ERBIN: variants seen among roughly 807,000 people sequenced by gnomAD.
ERBIN encodes the protein densin-180-like protein.
In ERBIN, 60 loss-of-function variants were observed where a neutral mutation model predicts 158.4. That is an observed-to-expected ratio of 0.38 (90% CI 0.31 to 0.47). The LOEUF (loss-of-function observed/expected upper bound fraction) is 0.47. Among genes scored for constraint, ERBIN ranks in the 20% least tolerant of loss-of-function variants. The pLI, the probability that ERBIN is intolerant of heterozygous loss-of-function variation, is 0.99. For missense variants in ERBIN, 1,610 were observed against 1,648.0 expected (o/e 0.98, Z 0.40); for synonymous variants, 594 against 557.2 (o/e 1.07, Z -0.93).
chr5:66,016,964 T>C (rs748025303), intron 7 of ERBIN, among the ~76,000 whole-genome samples: 10 of 152,042 alleles, frequency 6.6e-5, no homozygotes, highest in Non-Finnish European at 1.5e-4. Flanking sequence ...GCAATATTTA[T>C]CTGTCTCTGC....
intron 1 of ERBIN, among the ~76,000 whole-genome samples, chr5:65,944,373 A>G (rs1448914920): frequency 2.0e-5 from 3 of 151,752 alleles, no homozygotes. Flanking sequence ...GTGAGGTGGT[A>G]TCTCATCATG....
intron 1 of ERBIN, among the ~76,000 whole-genome samples, chr5:65,978,523 C>T (rs1005599919): frequency 3.3e-5 from 5 of 152,210 alleles, no homozygotes; most frequent in African/African-American, 1.2e-4. Flanking sequence ...TCAAGGAAGC[C>T]TTAGTGATCT....
chr5:65,938,855 C>G (rs1744416334), intron 1 of ERBIN, among the ~76,000 whole-genome samples: 1 of 151,932 alleles, frequency 6.6e-6, no homozygotes, highest in Non-Finnish European at 1.5e-5. Context: ...CCGGCCAGGA[C>G]TGATTCTTTT....
chr5:65,956,142 G>C (rs1015613553), intron 1 of ERBIN, among the ~76,000 whole-genome samples: 2 of 152,154 alleles, frequency 1.3e-5, no homozygotes, highest in African/African-American at 4.8e-5. Flanking sequence ...TGTTATGTTA[G>C]AATGTGGCTG....
chr5:66,059,889 C>T (rs1760065747), intron 21 of ERBIN, among the ~76,000 whole-genome samples: 2 of 152,134 alleles, frequency 1.3e-5, no homozygotes, highest in African/African-American at 4.8e-5. Flanking sequence ...GGATGAAGCC[C>T]ACTTGATCAT....
intron 1 of ERBIN, among the ~76,000 whole-genome samples, chr5:65,963,033 TC>T (rs1216680326): frequency 6.6e-6 from 1 of 152,210 alleles, no homozygotes; most frequent in Non-Finnish European, 1.5e-5. Context: ...TACATTTGTC[TC>T]ATTTGAGTAT....
chr5:66,021,352 A>G lies in ERBIN; in HGVS notation c.564A>G (p.Arg188=). The change falls in exon 8 of 26, where the codon AGA becomes AGG. Residue 188 remains arginine, a synonymous_variant. Coordinates refer to ENST00000284037, the MANE Select transcript of ERBIN (RefSeq NM_001253697.2). The part of the protein sequence containing the change: ...KTMNRLTQLE[R]LDLGSNEFTE... Reference sequence around the variant, plus strand: ...TGAATAGACTGACCCAGCTGGAAAGACTGGATTTGGGAAGTAACGAATTCA... The same window carrying G: ...TGAATAGACTGACCCAGCTGGAAAGGCTGGATTTGGGAAGTAACGAATTCA... 1 of 1,605,420 alleles carries G rather than the reference A, an allele frequency of 6.2e-7. No homozygotes were observed. Among genetic ancestry groups the G allele is most frequent in the Non-Finnish European group, 8.5e-7 (1 of 1,174,148 alleles).
intron 14 of ERBIN, among the ~76,000 whole-genome samples, chr5:66,028,623 G>A (rs1351127847): frequency 6.6e-6 from 1 of 152,084 alleles, no homozygotes; most frequent in African/African-American, 2.4e-5. Flanking sequence ...GAATTTAATA[G>A]CATTATCTCA....
chr5:65,983,269 A>G (rs1750843189), intron 1 of ERBIN, among the ~76,000 whole-genome samples: 1 of 152,172 alleles, frequency 6.6e-6, no homozygotes. Context: ...AGTTATAAGT[A>G]TGATCTAGCC....
intron 23 of ERBIN, chr5:66,076,088 A>G: frequency 2.1e-6 from 1 of 484,604 alleles, no homozygotes; most frequent in Non-Finnish European, 3.6e-6. Context: ...GACAAGCAAT[A>G]AAATTAGGAG....
chr5:65,945,181 G>T (rs1010146175), intron 1 of ERBIN, among the ~76,000 whole-genome samples: 1 of 152,174 alleles, frequency 6.6e-6, no homozygotes, highest in African/African-American at 2.4e-5. Flanking sequence ...ATGTCTTACA[G>T]ATTTAAAGAG....
intron 22 of ERBIN, among the ~76,000 whole-genome samples, chr5:66,073,463 T>C (rs1353912208): frequency 6.6e-6 from 1 of 152,174 alleles, no homozygotes; most frequent in African/African-American, 2.4e-5. Flanking sequence ...CCAACCAATA[T>C]AAGATTTGTC....
At chr5:65,945,707 T>C (rs1305917565) in intron 1 of ERBIN, among the ~76,000 whole-genome samples, 1 of 152,214 alleles carries the variant, frequency 6.6e-6, no homozygotes, top group African/African-American at 2.4e-5. Flanking sequence ...CTTTTTAAAA[T>C]AAAAATAAAG....
chr5:66,052,115 T>C (rs1759093264), intron 20 of ERBIN, among the ~76,000 whole-genome samples: 1 of 151,224 alleles, frequency 6.6e-6, no homozygotes, highest in South Asian at 2.1e-4. Flanking sequence ...GAGGTTAACT[T>C]GAGCTTGCGA....
chr5:66,042,925 C>T lies in ERBIN; in HGVS notation c.1307-152C>T, dbSNP rs575677679. On this transcript the variant is annotated intron_variant, in intron 15 of 25. Transcript: ENST00000284037. ...ATGGACATTATAAAGAATCGGCCAA[C>T]GCATTAGGATTTCTAATTTCTTGCA... is the stretch of plus-strand genomic sequence containing the variant. 1.7e-4 allele frequency: 91 copies of T among 543,742 alleles called. 1 individual carries two copies. The highest frequency in any genetic ancestry group is 1.2e-3 in the African/African-American group (61 of 51,994). 33.7% of individuals were successfully genotyped at this position (543,742 alleles called of 1,614,324 possible).
intron 4 of ERBIN, among the ~76,000 whole-genome samples, chr5:66,003,356 TA>T (rs59612078): frequency 4.7e-5 from 7 of 149,470 alleles, no homozygotes; most frequent in South Asian, 4.2e-4. Context: ...GCAGAAGGTG[TA>T]AAAAAAAAAT....
At chr5:65,981,239 T>C (rs1473769159) in intron 1 of ERBIN, among the ~76,000 whole-genome samples, 1 of 152,146 alleles carries the variant, frequency 6.6e-6, no homozygotes. Context: ...TTAAATAAAT[T>C]CAGAAAAGAC....
chr5:66,030,011 AATG>A (rs1756686439), intron 14 of ERBIN, among the ~76,000 whole-genome samples: 1 of 152,038 alleles, frequency 6.6e-6, no homozygotes, highest in Non-Finnish European at 1.5e-5. Context: ...GAAATATTAA[AATG>A]ATACATTGCC....
chr5:65,970,142 T>C lies in ERBIN; in HGVS notation c.-57-18493T>C, dbSNP rs147423644. Among the ~76,000 whole-genome samples, 1,125 of 152,268 alleles carry C rather than the reference T, an allele frequency of 7.4e-3. 20 individuals carry two copies. Among genetic ancestry groups the C allele is most frequent in the African/African-American group, 0.026 (1,076 of 41,534 alleles). On this transcript the variant is annotated intron_variant, in intron 1 of 25. Coordinates refer to ENST00000284037, the MANE Select transcript of ERBIN (RefSeq NM_001253697.2). ...TATGAAGACTACACTGTTAAATTAT[T>C]AATGACTTTTGTTTATTAAACCAAG...
Sources: gnomAD v4.1 joint callset for allele counts (sites outside exome capture counted in the v4.1 genomes callset) on GRCh38, gnomAD v4.1.1 for gene constraint, MANE v1.5 for transcripts, NCBI Gene and HGNC (gene_info 2026-07-23, HGNC 2026-07-21) for gene names.